Variants in SHTN1 observed in about 807,000 individuals in gnomAD.
The protein encoded by SHTN1 is shootin-1.
A neutral mutation model predicts 83.1 loss-of-function variants in SHTN1; 42 were observed. The observed-to-expected ratio is 0.51, with a 90% confidence interval of 0.39 to 0.65. The LOEUF is 0.65. Ranked by LOEUF, SHTN1 falls within the 30% of genes least tolerant of loss-of-function variation. SHTN1 has a pLI of 0.00. For missense variants in SHTN1, 622 were observed against 737.8 expected, an observed-to-expected ratio of 0.84 and a Z score of 1.82; for synonymous variants, 224 against 247.7, an observed-to-expected ratio of 0.90 and a Z score of 0.90.
At chr10:116,913,283 T>A (rs1401204803) in intron 13 of SHTN1, among the ~76,000 whole-genome samples, 2 of 152,188 alleles carry the variant, frequency 1.3e-5, no homozygotes, top group Non-Finnish European at 2.9e-5. Flanking sequence ...TCGCCATTTG[T>A]GACATTTCAG....
chr10:116,987,846 C>T (rs572689851), intron 1 of SHTN1, among the ~76,000 whole-genome samples: 6 of 150,808 alleles, frequency 4.0e-5, no homozygotes, highest in Non-Finnish European at 8.8e-5. Context: ...ACCGAGGAGG[C>T]GGAGGTTGCA....
intron 2 of SHTN1, among the ~76,000 whole-genome samples, chr10:116,971,470 C>T (rs1431132986): frequency 6.6e-6 from 1 of 152,150 alleles, no homozygotes; most frequent in African/African-American, 2.4e-5. Context: ...AAACGGACTA[C>T]ATTAGACATC....
chr10:117,002,400 T>G (rs771795153), intron 1 of SHTN1, among the ~76,000 whole-genome samples: 3 of 152,308 alleles, frequency 2.0e-5, no homozygotes, highest in Non-Finnish European at 4.4e-5. Flanking sequence ...TGAATAAATA[T>G]GTTTACTCAG....
At chr10:116,927,208 A>G (rs551581858) in intron 11 of SHTN1, among the ~76,000 whole-genome samples, 25 of 152,378 alleles carry the variant, frequency 1.6e-4, no homozygotes, top group African/African-American at 5.8e-4. Context: ...GCAAGACAGA[A>G]AAGTAAACAC....
At chr10:117,014,291 GC>G (rs995768599) in intron 2 of SHTN1, among the ~76,000 whole-genome samples, 1 of 152,156 alleles carries the variant, frequency 6.6e-6, no homozygotes, top group Non-Finnish European at 1.5e-5. Flanking sequence ...TTTGCTGCAT[GC>G]AAATTTAATA....
chr10:116,885,334 C>G lies in SHTN1; in HGVS notation c.*1010G>C, dbSNP rs1330599095. 6.6e-6 allele frequency: 1 copy of G among 152,430 alleles called. No individual in the cohort carries two copies. Among genetic ancestry groups the G allele is most frequent in the Non-Finnish European group, 1.5e-5 (1 of 67,998 alleles). The allele number at this position is 152,430 out of a possible 1,614,324, so 9.4% of individuals were successfully genotyped here. On this transcript the variant is annotated 3_prime_UTR_variant, in exon 17 of 17. Transcript: ENST00000355371. ...AAATAAACACCAATTTTGAAACAAT[C>G]AACTTTGAAAAGCTGCATAAGTTTT...
chr10:117,005,243 T>A, upstream of SHTN1: 13 of 1,482,594 alleles, frequency 8.8e-6, no homozygotes, highest in Non-Finnish European at 1.2e-5. Flanking sequence ...GCGAGTGAGA[T>A]CATCCCCACG....
chr10:117,063,630 G>A (rs1852932431), intron 1 of SHTN1, among the ~76,000 whole-genome samples: 1 of 152,016 alleles, frequency 6.6e-6, no homozygotes, highest in Non-Finnish European at 1.5e-5. Context: ...AAAATGCAAA[G>A]CCCTTGGTGT....
Position 116,939,077 on chromosome 10 carries a change from G to A in SHTN1, c.858+1389C>T, listed in dbSNP as rs569549948. 3.3e-5 allele frequency among the ~76,000 whole-genome samples: 5 copies of A among 152,322 alleles called. No individual in the cohort carries two copies. The South Asian group carries it at 1.0e-3, about 32-fold the overall frequency. On this transcript the variant is annotated intron_variant, in intron 9 of 16. Transcript: ENST00000355371. ...GCTGTGCTGGCAGCGACAATTTCAAGCCAGTGGATCTTGGCTTGCTGGGCT... is the reference window on the plus strand; with the variant it reads ...GCTGTGCTGGCAGCGACAATTTCAAACCAGTGGATCTTGGCTTGCTGGGCT...
chr10:117,119,081 A>C (rs1045675681), intron 1 of SHTN1, among the ~76,000 whole-genome samples: 5 of 152,254 alleles, frequency 3.3e-5, no homozygotes, highest in African/African-American at 1.2e-4. Flanking sequence ...AGCTAAATAC[A>C]GAAAGACAAA....
At position 116,934,734 on chromosome 10, in the gene SHTN1, C is replaced by T. The variant is rs1187071741; in HGVS notation, c.859-4732G>A. Among the ~76,000 whole-genome samples the T allele has an allele frequency of 2.0e-5, 3 of 152,090 alleles. No individual in the cohort carries two copies. The East Asian group carries it at 5.8e-4, about 29-fold the overall frequency. ...GTCAATGGTAGCTTGATAGGGATAG[C>T]ATTGAATCCATAAATTACTCTGGGC... On this transcript the variant is annotated intron_variant, in intron 9 of 16. Coordinates refer to ENST00000355371, the MANE Select transcript of SHTN1 (RefSeq NM_001127211.3).
intron 2 of SHTN1, among the ~76,000 whole-genome samples, chr10:116,970,712 C>CAAAAAAAAAAAAAAAAAAACAAAA (rs1203374258): frequency 1.5e-5 from 1 of 68,202 alleles, no homozygotes; most frequent in Non-Finnish European, 3.0e-5. Context: ...GACTTACTCT[C>CAAAAAAAAAAAAAAAAAAACAAAA]AAAAAAAAAA....
At chr10:116,947,262 C>G (rs1849629109) in intron 7 of SHTN1, among the ~76,000 whole-genome samples, 1 of 152,126 alleles carries the variant, frequency 6.6e-6, no homozygotes, top group Non-Finnish European at 1.5e-5. Context: ...ATATTAGGCA[C>G]AAGCTGGGCA....
At chr10:116,976,188 A>AG (rs1374615373) in intron 2 of SHTN1, among the ~76,000 whole-genome samples, 1 of 151,894 alleles carries the variant, frequency 6.6e-6, no homozygotes, top group Non-Finnish European at 1.5e-5. Flanking sequence ...GTAGAGCATG[A>AG]GACAGGGAGA....
At chr10:116,922,977 A>T (rs1848616023) in intron 11 of SHTN1, among the ~76,000 whole-genome samples, 2 of 151,820 alleles carry the variant, frequency 1.3e-5, no homozygotes, top group African/African-American at 2.4e-5. Flanking sequence ...AAAAAAAAAA[A>T]TAAAAATAAT....
chr10:117,036,654 A>G (rs538113859), intron 2 of SHTN1, among the ~76,000 whole-genome samples: 3 of 152,132 alleles, frequency 2.0e-5, no homozygotes, highest in African/African-American at 7.2e-5. Flanking sequence ...GGGTGGGGGG[A>G]AATAAGGATA....
intron 1 of SHTN1, among the ~76,000 whole-genome samples, chr10:117,106,902 A>T (rs2133635158): frequency 6.6e-6 from 1 of 152,162 alleles, no homozygotes; most frequent in South Asian, 2.1e-4. Context: ...ATTTTCCTCA[A>T]CTGTAAAATA....
intron 9 of SHTN1, among the ~76,000 whole-genome samples, chr10:116,936,548 C>T (rs569865946): frequency 6.6e-6 from 1 of 152,016 alleles, no homozygotes; most frequent in East Asian, 1.9e-4. Context: ...TTATGATTTC[C>T]ATTCTTCTGC....
intron 2 of SHTN1, among the ~76,000 whole-genome samples, chr10:117,047,383 T>TAA (rs5788205): frequency 2.0e-5 from 3 of 152,050 alleles, no homozygotes; most frequent in East Asian, 2.0e-4. Context: ...TATTTTTTTT[T>TAA]AAAAATAATC....
Sources: allele counts gnomAD v4.1 joint callset (sites outside exome capture counted in the v4.1 genomes callset), GRCh38; gene constraint gnomAD v4.1.1; transcripts MANE v1.5; gene names NCBI Gene and HGNC (gene_info 2026-07-23, HGNC 2026-07-21).